ZNF76: variants seen among roughly 807,000 people sequenced by gnomAD.
ZNF76 encodes the protein zinc finger protein 523.
Under a neutral mutation model 66.9 loss-of-function variants are expected in ZNF76, and 66 were observed. The observed-to-expected ratio is 0.99, with a 90% CI of 0.81 to 1.21. The LOEUF is 1.21. ZNF76 is among the 50% of genes most tolerant of loss of function. The pLI is 0.00. For missense variants in ZNF76, 729 were observed against 760.3 expected (o/e 0.96, Z 0.48); for synonymous variants, 275 against 296.1 (o/e 0.93, Z 0.73).
At position 35,292,157 on chromosome 6, in the gene ZNF76, C is replaced by G; in HGVS notation, c.932-397C>G. 2.5e-6 allele frequency: 1 copy of G among 402,492 alleles called. No homozygotes were observed. The highest frequency in any genetic ancestry group is 4.7e-6 in the Non-Finnish European group (1 of 213,622). The allele number at this position is 402,492 out of a possible 1,614,324, so 24.9% of individuals were successfully genotyped here. A position where few individuals can be genotyped will look rare whatever the true frequency, so the allele number is the denominator to read the frequency against. On this transcript the variant is annotated intron_variant, in intron 9 of 13. Transcript: ENST00000373953. This position sits in a 1 kb window ranked among gnomAD's most constrained non-coding sequence, Gnocchi z 4.7. ...CCCCAGTGTTATGCCCCTCATCCAG[C>G]TTTCTGTGTTGTGTCTCAGCATGTG...
In ZNF76 at chr6:35,295,301, C is replaced by A; in HGVS notation, c.*53C>A. ...GCTGGAGGAAGTGCCATCTGCATGG[C>A]CACTCTTGCCCCCAAGGGCCCAGGC... On this transcript the variant is annotated 3_prime_UTR_variant, in exon 14 of 14. Coordinates refer to ENST00000373953, the MANE Select transcript of ZNF76 (RefSeq NM_003427.5). 2 of 1,445,406 alleles carry A rather than the reference C, an allele frequency of 1.4e-6. No homozygotes were observed. The highest frequency in any genetic ancestry group is 1.9e-6 in the Non-Finnish European group (2 of 1,054,978). The allele number at this position is 1,445,406 out of a possible 1,614,324, so 89.5% of individuals were successfully genotyped here.
chr6:35,279,998 A>T (rs1582114899), intron 1 of ZNF76, among the ~76,000 whole-genome samples: 2 of 146,380 alleles, frequency 1.4e-5, no homozygotes, highest in Non-Finnish European at 1.5e-5. Flanking sequence ...CACCTGGCTA[A>T]TTTTTTTTTT....
chr6:35,273,873 A>T (rs1431526078), intron 1 of ZNF76, among the ~76,000 whole-genome samples: 1 of 146,744 alleles, frequency 6.8e-6, no homozygotes. Flanking sequence ...GAAAAAAAAA[A>T]TTGAAGAAAA....
chr6:35,291,681 G>A lies in ZNF76; in HGVS notation c.875G>A (p.Cys292Tyr), dbSNP rs369543419. 1 of 1,613,558 alleles carries A rather than the reference G, an allele frequency of 6.2e-7. No individual in the cohort carries two copies. Among genetic ancestry groups the A allele is most frequent in the Middle Eastern group, 1.6e-4 (1 of 6,062 alleles). Reference sequence around the variant, plus strand: ...CCCTACACCTGCCCGGAGCCCCACTGTGGCCGCGGCTTCACCAGCGCCACC... The same window carrying A: ...CCCTACACCTGCCCGGAGCCCCACTATGGCCGCGGCTTCACCAGCGCCACC... ...ERPYTCPEPH[C>Y]GRGFTSATNY... The change falls in exon 9 of 14, where the codon TGT (cysteine) becomes TAT (tyrosine). Residue 292 changes from cysteine to tyrosine, a missense_variant. Coordinates refer to ENST00000373953, the MANE Select transcript of ZNF76 (RefSeq NM_003427.5).
chr6:35,273,794 G>T (rs1317711289), intron 1 of ZNF76, among the ~76,000 whole-genome samples: 1 of 151,316 alleles, frequency 6.6e-6, no homozygotes, highest in Admixed American at 6.6e-5. Flanking sequence ...GGGCTCAAGG[G>T]ATCCTCCCAC....
At chr6:35,274,620 G>A (rs1787612282) in intron 1 of ZNF76, among the ~76,000 whole-genome samples, 1 of 152,194 alleles carries the variant, frequency 6.6e-6, no homozygotes, top group African/African-American at 2.4e-5. Context: ...AGCCACTCAG[G>A]AGGCTAAGGC....
In ZNF76 at chr6:35,281,225, G is replaced by A. The variant is rs750056338; in HGVS notation, c.73+1G>A. ...GCCTACGTCCAGCAAGCTGTCAAAG[G>A]TAAGTATTTCTGGGGACCTCAGGAT... On this transcript the variant is annotated splice_donor_variant, in intron 2 of 13. Coordinates refer to ENST00000373953, the MANE Select transcript of ZNF76 (RefSeq NM_003427.5). LOFTEE classifies it high-confidence loss of function. 1 of 1,613,348 alleles carries A rather than the reference G, an allele frequency of 6.2e-7. No homozygotes were observed. The highest frequency in any genetic ancestry group is 1.3e-5 in the African/African-American group (1 of 74,874).
Position 35,292,980 on chromosome 6 carries a change from C to T in ZNF76, c.1265C>T (p.Ala422Val), listed in dbSNP as rs757575175. Residue 422 changes from alanine to valine, a missense_variant, in exon 11 of 14, where the codon GCG becomes GTG. Physicochemically the swap from Ala to Val is moderately conservative, Grantham distance 64 (BLOSUM62 0). Transcript: ENST00000373953. This position sits in a 1 kb window ranked among gnomAD's most constrained non-coding sequence, Gnocchi z 4.7. Reference sequence around the variant, plus strand: ...AGAGATGACATCCCAGCCCAGGTGGCGATGGTGACTGAAGAAGATGGGGCC... The same window carrying T: ...AGAGATGACATCCCAGCCCAGGTGGTGATGGTGACTGAAGAAGATGGGGCC... ...EERDDIPAQV[A>V]MVTEEDGAPQ... 24 of 1,614,152 alleles carry T rather than the reference C, an allele frequency of 1.5e-5. No individual in the cohort carries two copies. In the Admixed American group the frequency reaches 2.0e-4, roughly 13 times the overall value.
At chr6:35,288,778 G>A (rs886546844) in intron 5 of ZNF76, among the ~76,000 whole-genome samples, 6 of 151,936 alleles carry the variant, frequency 3.9e-5, no homozygotes, top group Admixed American at 3.9e-4. Flanking sequence ...GCAACATGGC[G>A]AAACCTCATC....
chr6:35,292,916 C>T lies in ZNF76; in HGVS notation c.1201C>T (p.Arg401Ter), dbSNP rs775457697. 1.7e-5 allele frequency: 27 copies of T among 1,614,080 alleles called. No homozygotes were observed. The highest frequency in any genetic ancestry group is 3.3e-5 in the Admixed American group (2 of 60,006). Residue 401 changes from arginine (R) to a stop codon, truncating the protein, a stop_gained, in exon 11 of 14, where the codon CGA becomes TGA. Coordinates refer to ENST00000373953, the MANE Select transcript of ZNF76 (RefSeq NM_003427.5). LOFTEE classifies it high-confidence loss of function. The surrounding 1 kb of genome is among the most constrained non-coding windows in gnomAD (Gnocchi z 4.7). ...AGCCGAGGAGAGTCCGCCACCCAAA[C>T]GACCCCGGATAGCTTACCTTTCGGA... ...SAAEESPPPK[R>*]PRIAYLSEVK...
chr6:35,275,746 GA>G (rs1435926728), intron 1 of ZNF76, among the ~76,000 whole-genome samples: 10 of 152,206 alleles, frequency 6.6e-5, no homozygotes, highest in African/African-American at 2.4e-4. Flanking sequence ...CTGTACGCGA[GA>G]ACATGAAAAG....
intron 1 of ZNF76, among the ~76,000 whole-genome samples, chr6:35,275,139 A>T (rs1787687034): frequency 6.6e-6 from 1 of 151,788 alleles, no homozygotes; most frequent in African/African-American, 2.4e-5. Context: ...TGGGCGTGAG[A>T]GCAAGACTCC....
chr6:35,281,528 G>A (rs1284535755), intron 2 of ZNF76, among the ~76,000 whole-genome samples: 1 of 152,170 alleles, frequency 6.6e-6, no homozygotes, highest in East Asian at 1.9e-4. Flanking sequence ...ATGACTCCCT[G>A]CTTTTCAGAT....
At chr6:35,291,252 A>T in intron 7 of ZNF76, 26 bp from the exon 8 acceptor site, 1 of 1,588,024 alleles carries the variant, frequency 6.3e-7, no homozygotes, top group Non-Finnish European at 8.6e-7. Flanking sequence ...TGCTCATCTC[A>T]CCCCCTGCCT....
intron 1 of ZNF76, among the ~76,000 whole-genome samples, chr6:35,269,949 G>A (rs1443905133): frequency 2.6e-5 from 4 of 152,046 alleles, no homozygotes; most frequent in Non-Finnish European, 4.4e-5. Context: ...CTCAGTTTTC[G>A]GATGTGCTTT....
intron 1 of ZNF76, among the ~76,000 whole-genome samples, chr6:35,275,261 T>A (rs993100240): frequency 6.6e-6 from 1 of 151,998 alleles, no homozygotes; most frequent in Non-Finnish European, 1.5e-5. Flanking sequence ...CACCTTCCGC[T>A]CTCCCAGTCT....
Position 35,284,042 on chromosome 6 carries a change from A to G in ZNF76, c.74-2086A>G, listed in dbSNP as rs188208632. Among the ~76,000 whole-genome samples, 426 of 151,934 alleles carry G rather than the reference A, an allele frequency of 2.8e-3. 3 individuals carry two copies. Among genetic ancestry groups the G allele is most frequent in the African/African-American group, 9.5e-3 (393 of 41,420 alleles). Reference sequence around the variant, plus strand: ...TGAGCGCTCAGTTTCCTAAACCTCAATCTTCTAAGGAAAGGACAAATCACT... The same window carrying G: ...TGAGCGCTCAGTTTCCTAAACCTCAGTCTTCTAAGGAAAGGACAAATCACT... On this transcript the variant is annotated intron_variant, in intron 2 of 13. Transcript: ENST00000373953.
chr6:35,286,860 C>T (rs781270150), intron 4 of ZNF76: 2 of 205,710 alleles, frequency 9.7e-6, no homozygotes, highest in Non-Finnish European at 2.0e-5. Flanking sequence ...AAGTCAGACA[C>T]AGTCCCCGCT....
At chr6:35,262,609 A>G (rs1785417826) in intron 1 of ZNF76, among the ~76,000 whole-genome samples, 1 of 152,110 alleles carries the variant, frequency 6.6e-6, no homozygotes, top group African/African-American at 2.4e-5. Flanking sequence ...AAAACCATCT[A>G]GCCCAGTTGC....
Sources: gnomAD v4.1 joint callset for allele counts (sites outside exome capture counted in the v4.1 genomes callset) on GRCh38, gnomAD v4.1.1 for gene constraint, Gnocchi (gnomAD v3.1) non-coding constraint, MANE v1.5 for transcripts, NCBI Gene and HGNC (gene_info 2026-07-23, HGNC 2026-07-21) for gene names.